The following ZNF385D variants were observed in gnomAD, a reference collection of about 807,000 sequenced individuals.
The protein encoded by ZNF385D is zinc finger protein 659.
ZNF385D carries 15 observed loss-of-function variants against 35.8 expected under a neutral mutation model. That is an observed-to-expected ratio of 0.42 (90% CI 0.28 to 0.64). ZNF385D has a LOEUF of 0.64. Ranked by LOEUF, ZNF385D falls within the 30% of genes least tolerant of loss-of-function variation. The pLI is 0.23. For missense variants in ZNF385D, 474 were observed against 494.6 expected (o/e 0.96, Z 0.39); for synonymous variants, 212 against 186.8 (o/e 1.13, Z -1.10).
At chr3:22,033,054 T>A (rs538856533) in intron 3 of ZNF385D, among the ~76,000 whole-genome samples, 1 of 152,042 alleles carries the variant, frequency 6.6e-6, no homozygotes, top group Non-Finnish European at 1.5e-5. Context: ...GATTCCGAGA[T>A]TGAATTTCTG....
intron 3 of ZNF385D, among the ~76,000 whole-genome samples, chr3:21,946,853 T>C (rs1416450255): frequency 6.6e-6 from 1 of 152,122 alleles, no homozygotes; most frequent in East Asian, 1.9e-4. Flanking sequence ...AATAAAAACA[T>C]TAAAAAAATT....
intron 3 of ZNF385D, among the ~76,000 whole-genome samples, chr3:21,527,759 T>TAA (rs11426180): frequency 0.068 from 10,230 of 149,404 alleles, 445 homozygotes; most frequent in Non-Finnish European, 0.11. Context: ...AAAACTATGT[T>TAA]AAAAAAAAAA....
At chr3:21,500,613 T>A (rs142000676) in intron 4 of ZNF385D, among the ~76,000 whole-genome samples, 7 of 152,154 alleles carry the variant, frequency 4.6e-5, no homozygotes, top group African/African-American at 1.7e-4. Context: ...TGGGGTGAGG[T>A]ATGATGGAGG....
At chr3:22,227,066 A>C (rs1698601805) in intron 2 of ZNF385D, among the ~76,000 whole-genome samples, 1 of 152,186 alleles carries the variant, frequency 6.6e-6, no homozygotes, top group Non-Finnish European at 1.5e-5. Context: ...GCCCAAGCCC[A>C]GACCCACTAA....
At chr3:21,825,674 A>T (rs1252250425) in intron 3 of ZNF385D, among the ~76,000 whole-genome samples, 1 of 152,182 alleles carries the variant, frequency 6.6e-6, no homozygotes, top group South Asian at 2.1e-4. Flanking sequence ...GAAGAGAGGG[A>T]CGCTGTGGAA....
In ZNF385D at chr3:21,833,605, G is replaced by A. The variant is rs556286862; in HGVS notation, c.326-168577C>T. Among the ~76,000 whole-genome samples the A allele has an allele frequency of 1.1e-4, 16 of 152,258 alleles. No homozygotes were observed. In the South Asian group the frequency reaches 1.9e-3, roughly 18 times the overall value. On this transcript the variant is annotated intron_variant, in intron 3 of 5. Coordinates refer to the ZNF385D transcript ENST00000494108. ...TTGGACTTCTGACCCTCAGAACTATGAGAAAGTAAATTTCTGTTGTTTTAA... is the reference window on the plus strand; with the variant it reads ...TTGGACTTCTGACCCTCAGAACTATAAGAAAGTAAATTTCTGTTGTTTTAA...
intron 2 of ZNF385D, among the ~76,000 whole-genome samples, chr3:22,192,970 A>T (rs1321670381): frequency 6.6e-6 from 1 of 152,144 alleles, no homozygotes; most frequent in Non-Finnish European, 1.5e-5. Flanking sequence ...GTTTTTGACA[A>T]AGGTCTATTT....
chr3:21,669,908 G>A (rs765380780), intron 1 of ZNF385D, among the ~76,000 whole-genome samples: 16 of 152,066 alleles, frequency 1.1e-4, no homozygotes, highest in Admixed American at 5.9e-4. Flanking sequence ...ATGAGAGTGC[G>A]GTGGTTTTCT....
intron 3 of ZNF385D, among the ~76,000 whole-genome samples, chr3:21,810,014 G>A (rs1296035294): frequency 1.3e-5 from 2 of 152,062 alleles, no homozygotes; most frequent in Non-Finnish European, 1.5e-5. Flanking sequence ...AAATAGGAGA[G>A]AAGGGAAACT....
At position 22,240,201 on chromosome 3, in the gene ZNF385D, A is replaced by G. The variant is rs68030224; in HGVS notation, c.107-71166T>C. On this transcript the variant is annotated intron_variant, in intron 2 of 5. Coordinates refer to the ZNF385D transcript ENST00000494108. ...CTGTCTCCAAAAAAAAAAAAAAAAA[A>G]AAGATTTCAGACACCTGGCTCCACC... is the stretch of plus-strand genomic sequence containing the variant. Among the ~76,000 whole-genome samples, 93 of 120,960 alleles carry G rather than the reference A, an allele frequency of 7.7e-4. 7 individuals carry two copies. Among genetic ancestry groups the G allele is most frequent in the Admixed American group, 1.1e-3 (12 of 10,462 alleles). 79.4% of individuals were successfully genotyped at this position (120,960 alleles called of 152,430 possible). A position where few individuals can be genotyped will look rare whatever the true frequency, so the allele number is the denominator to read the frequency against.
intron 2 of ZNF385D, among the ~76,000 whole-genome samples, chr3:22,184,449 C>T (rs1238155953): frequency 6.6e-6 from 1 of 152,170 alleles, no homozygotes; most frequent in South Asian, 2.1e-4. Flanking sequence ...ACTGTGTGTG[C>T]TAATGTATAA....
At chr3:21,948,569 T>C (rs929589134) in intron 3 of ZNF385D, among the ~76,000 whole-genome samples, 3 of 152,130 alleles carry the variant, frequency 2.0e-5, no homozygotes, top group African/African-American at 7.2e-5. Context: ...TATGCCATTT[T>C]CGTTGTGAAA....
chr3:22,124,697 G>T (rs577052669), intron 3 of ZNF385D, among the ~76,000 whole-genome samples: 1 of 152,024 alleles, frequency 6.6e-6, no homozygotes, highest in South Asian at 2.1e-4. Context: ...TCATATATTT[G>T]TTTGCTATTT....
At chr3:22,270,720 TAG>T (rs1207021946) in intron 2 of ZNF385D, among the ~76,000 whole-genome samples, 2 of 151,978 alleles carry the variant, frequency 1.3e-5, no homozygotes, top group African/African-American at 4.8e-5. Flanking sequence ...TTTTTACTGA[TAG>T]AGTTGTACAA....
intron 3 of ZNF385D, among the ~76,000 whole-genome samples, chr3:21,935,068 T>G (rs1277412072): frequency 6.6e-6 from 1 of 152,164 alleles, no homozygotes; most frequent in Non-Finnish European, 1.5e-5. Flanking sequence ...TATGCCACAT[T>G]AATTAACTGA....
chr3:21,762,159 G>A (rs1028371580), intron 3 of ZNF385D, among the ~76,000 whole-genome samples: 1 of 152,056 alleles, frequency 6.6e-6, no homozygotes, highest in Admixed American at 6.5e-5. Context: ...TTACAGGCGT[G>A]AGTCGCTGTG....
chr3:21,906,557 A>G (rs780614167), intron 3 of ZNF385D, among the ~76,000 whole-genome samples: 7 of 152,082 alleles, frequency 4.6e-5, no homozygotes, highest in Non-Finnish European at 8.8e-5. Context: ...TAATGATTTC[A>G]TATGTGACCT....
At chr3:21,800,711 T>C (rs2072357465) in intron 3 of ZNF385D, among the ~76,000 whole-genome samples, 1 of 152,190 alleles carries the variant, frequency 6.6e-6, no homozygotes, top group South Asian at 2.1e-4. Context: ...GTTCAATTAT[T>C]GCTGGTGTAT....
At chr3:22,092,568 T>C (rs541538184) in intron 3 of ZNF385D, among the ~76,000 whole-genome samples, 2 of 152,316 alleles carry the variant, frequency 1.3e-5, no homozygotes, top group East Asian at 3.9e-4. Flanking sequence ...CCAATGAATC[T>C]GGATCGGTAT....
Sources: gnomAD v4.1 joint callset for allele counts (sites outside exome capture counted in the v4.1 genomes callset) on GRCh38, gnomAD v4.1.1 for gene constraint, MANE v1.5 for transcripts, NCBI Gene and HGNC (gene_info 2026-07-23, HGNC 2026-07-21) for gene names.